Variants in ZNF521 observed in about 807,000 individuals in gnomAD.
The protein encoded by ZNF521 is LYST-interacting protein 3.
A neutral mutation model predicts 105.5 loss-of-function variants in ZNF521; 14 were observed. The observed-to-expected ratio is 0.13, with a 90% CI of 0.09 to 0.21. The LOEUF is 0.21. ZNF521 is among the 10% of genes least tolerant of loss of function. The pLI, the probability that ZNF521 is intolerant of heterozygous loss-of-function variation, is 1.00. For missense variants in ZNF521, 1,233 were observed against 1,629.7 expected, an observed-to-expected ratio of 0.76 and a Z score of 4.19; for synonymous variants, 635 against 606.0, an observed-to-expected ratio of 1.05 and a Z score of -0.70.
At chr18:25,097,885 C>T (rs1304549274) in intron 5 of ZNF521, among the ~76,000 whole-genome samples, 2 of 152,126 alleles carry the variant, frequency 1.3e-5, no homozygotes, top group Non-Finnish European at 2.9e-5. Flanking sequence ...ACTGTTATTT[C>T]CTGCCTTGAA....
At chr18:25,319,511 G>A (rs999349535) in intron 3 of ZNF521, among the ~76,000 whole-genome samples, 5 of 151,528 alleles carry the variant, frequency 3.3e-5, no homozygotes, top group African/African-American at 9.7e-5. Context: ...CAGGAGAATC[G>A]CTTGAACCCA....
intron 5 of ZNF521, among the ~76,000 whole-genome samples, chr18:25,100,974 A>T (rs962997309): frequency 3.3e-5 from 5 of 152,232 alleles, no homozygotes; most frequent in South Asian, 2.1e-4. Context: ...GCAGAGGAGC[A>T]TTCTGGCCTG....
At chr18:25,078,472 C>T (rs894609958) in intron 7 of ZNF521, among the ~76,000 whole-genome samples, 1 of 152,166 alleles carries the variant, frequency 6.6e-6, no homozygotes, top group African/African-American at 2.4e-5. Context: ...ACTAATGCCA[C>T]CCAAACATCA....
chr18:25,230,283 T>G (rs1906450761), intron 3 of ZNF521, among the ~76,000 whole-genome samples: 1 of 152,218 alleles, frequency 6.6e-6, no homozygotes, highest in Non-Finnish European at 1.5e-5. Flanking sequence ...AAAGCATCCC[T>G]GAAAGGCTGA....
At chr18:25,168,074 T>C (rs543893350) in intron 5 of ZNF521, among the ~76,000 whole-genome samples, 1 of 152,314 alleles carries the variant, frequency 6.6e-6, no homozygotes, top group South Asian at 2.1e-4. Context: ...TGCAGATCCA[T>C]TTCCTCTCTC....
chr18:25,178,858 G>A (rs956808052), intron 5 of ZNF521, among the ~76,000 whole-genome samples: 2 of 152,146 alleles, frequency 1.3e-5, no homozygotes, highest in African/African-American at 4.8e-5. Context: ...GTGCATGTGT[G>A]AAGAGATGAA....
intron 5 of ZNF521, among the ~76,000 whole-genome samples, chr18:25,097,425 G>GT (rs1010035285): frequency 2.2e-4 from 33 of 152,134 alleles, no homozygotes; most frequent in Admixed American, 2.6e-4. Context: ...TTGTGGGAAC[G>GT]TTTTTTCTCA....
chr18:25,220,016 G>T (rs560485247), intron 4 of ZNF521, among the ~76,000 whole-genome samples: 2 of 152,280 alleles, frequency 1.3e-5, no homozygotes, highest in Admixed American at 6.5e-5. Context: ...TTGGAGAGCG[G>T]TCAGTAAAAG....
chr18:25,331,928 C>T (rs558643197), intron 2 of ZNF521, among the ~76,000 whole-genome samples: 44 of 141,248 alleles, frequency 3.1e-4, no homozygotes, highest in Admixed American at 4.4e-4. Context: ...AAATTCCTCT[C>T]CTTAACTGCA....
chr18:25,215,051 T>A (rs933013476), intron 4 of ZNF521, among the ~76,000 whole-genome samples: 1 of 152,106 alleles, frequency 6.6e-6, no homozygotes, highest in Non-Finnish European at 1.5e-5. Flanking sequence ...ACTGGTAATG[T>A]GAAAAGGGAA....
Position 25,224,355 on chromosome 18 carries a change from T to C in ZNF521, c.3563A>G (p.Gln1188Arg). The change falls in exon 4 of 8, where the codon CAG becomes CGG. Residue 1188 changes from glutamine to arginine, a missense_variant. This residue lies in a region of ZNF521 where 614 missense variants were observed against 751.5 expected (regional missense o/e 0.82). Transcript: ENST00000361524. Reference protein sequence around the residue: ...VSPMPRISPSQSDEKKTYQCI... With the variant: ...VSPMPRISPSRSDEKKTYQCI... ...AAAAAGGCGAGTTACCTCATCCGAC[T>C]GGGAGGGACTGATTCTGGGCATTGG... 1.2e-6 allele frequency: 2 copies of C among 1,609,054 alleles called. No homozygotes were observed. The highest frequency in any genetic ancestry group is 2.2e-5 in the East Asian group (1 of 44,706).
intron 5 of ZNF521, among the ~76,000 whole-genome samples, chr18:25,118,810 C>A (rs1365028028): frequency 2.6e-5 from 4 of 151,912 alleles, no homozygotes; most frequent in African/African-American, 7.2e-5. Flanking sequence ...TTATAATGTA[C>A]TGAACACTAA....
chr18:25,260,004 G>T (rs554688598), intron 3 of ZNF521, among the ~76,000 whole-genome samples: 17 of 152,222 alleles, frequency 1.1e-4, no homozygotes, highest in Non-Finnish European at 2.4e-4. Flanking sequence ...GGAAGAGAAA[G>T]CTACAAGATT....
At chr18:25,325,861 A>C (rs549438578) in intron 2 of ZNF521, among the ~76,000 whole-genome samples, 2 of 152,342 alleles carry the variant, frequency 1.3e-5, no homozygotes, top group South Asian at 2.1e-4. Flanking sequence ...AATGTAAAAG[A>C]AGCATTCTTT....
At chr18:25,157,758 T>C (rs1426779938) in intron 5 of ZNF521, among the ~76,000 whole-genome samples, 1 of 149,444 alleles carries the variant, frequency 6.7e-6, no homozygotes, top group Non-Finnish European at 1.5e-5. Context: ...TAAACCTTCT[T>C]TTTTTTTTTT....
At chr18:25,182,301 G>T (rs1220031448) in intron 5 of ZNF521, among the ~76,000 whole-genome samples, 1 of 152,074 alleles carries the variant, frequency 6.6e-6, no homozygotes. Context: ...TGAGTTTTTG[G>T]GTTACAAATG....
At chr18:25,073,010 T>A (rs556874974) in intron 7 of ZNF521, among the ~76,000 whole-genome samples, 2 of 152,154 alleles carry the variant, frequency 1.3e-5, no homozygotes, top group Non-Finnish European at 2.9e-5. Context: ...TTTAGATACC[T>A]TAAAGATAAA....
intron 3 of ZNF521, among the ~76,000 whole-genome samples, chr18:25,258,453 T>C (rs1600223534): frequency 1.3e-5 from 2 of 151,980 alleles, no homozygotes; most frequent in African/African-American, 4.8e-5. Context: ...AGGTCCGAGG[T>C]GTATGTGAAG....
chr18:25,215,915 C>T (rs1037862181), intron 4 of ZNF521, among the ~76,000 whole-genome samples: 1 of 152,164 alleles, frequency 6.6e-6, no homozygotes, highest in East Asian at 1.9e-4. Context: ...ACAACAACAA[C>T]AATACAGATT....
Sources: gnomAD v4.1 joint callset for allele counts (sites outside exome capture counted in the v4.1 genomes callset) on GRCh38, gnomAD v4.1.1 for gene constraint, gnomAD v4.1.1 regional missense constraint, MANE v1.5 for transcripts, NCBI Gene and HGNC (gene_info 2026-07-23, HGNC 2026-07-21) for gene names.